The following SLIT3 variants were observed in gnomAD, a reference collection of about 807,000 sequenced individuals.
SLIT3 encodes the protein slit homolog 3 protein.
Under a neutral mutation model 184.0 loss-of-function variants are expected in SLIT3, and 68 were observed. The observed-to-expected ratio is 0.37, with a 90% CI of 0.30 to 0.45. The LOEUF (loss-of-function observed/expected upper bound fraction) is 0.45, where lower values mean the gene tolerates loss of function less well. Among genes scored for constraint, SLIT3 ranks in the 20% least tolerant of loss-of-function variants. SLIT3 has a pLI of 1.00. For synonymous variants in SLIT3, 831 were observed against 828.6 expected, an observed-to-expected ratio of 1.00 and a Z score of -0.05; for missense variants, 1,707 against 2,026.0, an observed-to-expected ratio of 0.84 and a Z score of 3.02.
At position 169,117,287 on chromosome 5, in the gene SLIT3, C is replaced by G. The variant is rs1210900800; in HGVS notation, c.413+76192G>C. On this transcript the variant is annotated intron_variant, in intron 4 of 35. Transcript: ENST00000519560. ...TCTATAAAAAGCACGGCTCCATGCCCGGATTGAGGAGCTGGAAGAGCCAAA... is the reference window on the plus strand; with the variant it reads ...TCTATAAAAAGCACGGCTCCATGCCGGGATTGAGGAGCTGGAAGAGCCAAA... Among the ~76,000 whole-genome samples the G allele has an allele frequency of 2.0e-5, 3 of 152,262 alleles. No individual in the cohort carries two copies. In the South Asian group the frequency reaches 6.2e-4, roughly 32 times the overall value.
chr5:168,930,597 T>C (rs1199758406), intron 4 of SLIT3, among the ~76,000 whole-genome samples: 3 of 152,156 alleles, frequency 2.0e-5, no homozygotes, highest in African/African-American at 7.2e-5. Context: ...GGGCTGAGTT[T>C]AGTGTCTGGC....
chr5:168,825,118 G>A (rs1287381587), intron 6 of SLIT3, among the ~76,000 whole-genome samples: 2 of 152,168 alleles, frequency 1.3e-5, no homozygotes, highest in African/African-American at 2.4e-5. Flanking sequence ...CTACCTCACA[G>A]GCTGGTAAAA....
rs553927912 is a variant in SLIT3 at position 169,183,926 on chromosome 5, T to TA, written c.413+9552dup. On this transcript the variant is annotated intron_variant, in intron 4 of 35. Coordinates refer to ENST00000519560, the MANE Select transcript of SLIT3 (RefSeq NM_003062.4). ...TCACAGCTTGGTTTTCTTTCCTTCT[T>TA]AAAAAAAATTTAAAAACAATTTCCA... is the stretch of plus-strand genomic sequence containing the variant. Among the ~76,000 whole-genome samples, 19 of 152,202 alleles carry TA rather than the reference T, an allele frequency of 1.2e-4. No individual in the cohort carries two copies. The South Asian group carries it at 3.7e-3, about 30-fold the overall frequency.
At chr5:169,170,120 T>C (rs1006395297) in intron 4 of SLIT3, among the ~76,000 whole-genome samples, 10 of 152,158 alleles carry the variant, frequency 6.6e-5, no homozygotes, top group African/African-American at 1.7e-4. Flanking sequence ...AGGTAACAAA[T>C]GTGCTATGAA....
intron 7 of SLIT3, among the ~76,000 whole-genome samples, chr5:168,819,970 T>G (rs1377758546): frequency 6.6e-6 from 1 of 152,178 alleles, no homozygotes; most frequent in Non-Finnish European, 1.5e-5. Context: ...CTCCACTCCC[T>G]CTTCTTGGAA....
chr5:169,257,050 A>G (rs1765983316), intron 1 of SLIT3, among the ~76,000 whole-genome samples: 1 of 152,036 alleles, frequency 6.6e-6, no homozygotes, highest in Admixed American at 6.5e-5. Context: ...GTCTGCCACA[A>G]TGCTCTATGA....
At chr5:168,834,149 C>T (rs1364939018) in intron 6 of SLIT3, among the ~76,000 whole-genome samples, 1 of 152,118 alleles carries the variant, frequency 6.6e-6, no homozygotes, top group African/African-American at 2.4e-5. Context: ...GGGCTTGGTT[C>T]CCTAACCGGC....
chr5:168,911,025 C>T lies in SLIT3; in HGVS notation c.414-27689G>A, dbSNP rs572621769. On this transcript the variant is annotated intron_variant, in intron 4 of 35. Coordinates refer to ENST00000519560, the MANE Select transcript of SLIT3 (RefSeq NM_003062.4). ...GCAGCCCGCTGTTCTGTACCAGGTA[C>T]GAAACCAAAAGCAGAAAAGCTACGT... 4.6e-5 allele frequency among the ~76,000 whole-genome samples: 7 copies of T among 152,124 alleles called. No homozygotes were observed. In the South Asian group the frequency reaches 8.3e-4, roughly 18 times the overall value.
chr5:169,071,367 C>A (rs1407862360), intron 4 of SLIT3, among the ~76,000 whole-genome samples: 1 of 145,656 alleles, frequency 6.9e-6, no homozygotes, highest in Non-Finnish European at 1.5e-5. Flanking sequence ...AACTATATTT[C>A]TCTAAGAAGT....
At chr5:168,794,985 T>G (rs1756516017) in intron 10 of SLIT3, among the ~76,000 whole-genome samples, 1 of 152,204 alleles carries the variant, frequency 6.6e-6, no homozygotes, top group African/African-American at 2.4e-5. Context: ...TTTTCTGCGT[T>G]CTCCCACTCG....
chr5:168,891,975 A>T (rs547323399), intron 4 of SLIT3, among the ~76,000 whole-genome samples: 1 of 152,306 alleles, frequency 6.6e-6, no homozygotes, highest in South Asian at 2.1e-4. Context: ...AGCCAATTGG[A>T]TGCTTCACCC....
chr5:169,230,693 A>T (rs1298616163), intron 3 of SLIT3, among the ~76,000 whole-genome samples: 6 of 152,226 alleles, frequency 3.9e-5, no homozygotes, highest in African/African-American at 9.6e-5. Context: ...GAAATTGGAT[A>T]ATGCAATATC....
intron 4 of SLIT3, among the ~76,000 whole-genome samples, chr5:168,915,601 A>C (rs1217081724): frequency 6.6e-6 from 1 of 152,168 alleles, no homozygotes; most frequent in African/African-American, 2.4e-5. Context: ...CCAAAATATA[A>C]TTTCAACATA....
rs898008888 is a variant in SLIT3 at position 168,819,951 on chromosome 5, G to A, written c.630-2488C>T. Among the ~76,000 whole-genome samples, 13 of 152,282 alleles carry A rather than the reference G, an allele frequency of 8.5e-5. No homozygotes were observed. In the South Asian group the frequency reaches 2.5e-3, roughly 29 times the overall value. ...GCCCAGGGCAGTGGAGTCCAGGGTG[G>A]TGAACAGACTCCACTCCCTCTTCTT... On this transcript the variant is annotated intron_variant, in intron 7 of 35. Transcript: ENST00000519560.
At chr5:168,724,601 G>C (rs1420440698) in intron 20 of SLIT3, 117 bp from the exon 21 acceptor site, 1 of 570,474 alleles carries the variant, frequency 1.8e-6, no homozygotes, top group Non-Finnish European at 3.1e-6. Flanking sequence ...TACTCTTAGA[G>C]CCTCCCTCCC....
intron 1 of SLIT3, among the ~76,000 whole-genome samples, chr5:169,266,747 C>A (rs545380255): frequency 1.3e-5 from 2 of 152,170 alleles, no homozygotes; most frequent in African/African-American, 4.8e-5. Flanking sequence ...CCTAGCAATA[C>A]GGCATAGTAG....
intron 4 of SLIT3, among the ~76,000 whole-genome samples, chr5:169,058,612 T>C (rs889098768): frequency 6.6e-6 from 1 of 152,234 alleles, no homozygotes; most frequent in Non-Finnish European, 1.5e-5. Flanking sequence ...TGAGATCATG[T>C]CACAGTGTCA....
intron 4 of SLIT3, among the ~76,000 whole-genome samples, chr5:169,113,395 C>T (rs1409128448): frequency 6.6e-6 from 1 of 152,134 alleles, no homozygotes; most frequent in Non-Finnish European, 1.5e-5. Context: ...TGCCTGTGTC[C>T]GAATTCTTCC....
intron 1 of SLIT3, among the ~76,000 whole-genome samples, chr5:169,253,513 T>A (rs1206589975): frequency 6.6e-6 from 1 of 152,138 alleles, no homozygotes; most frequent in Non-Finnish European, 1.5e-5. Context: ...TACTGAGTGA[T>A]CTAATGGCAG....
Sources: gnomAD v4.1 joint callset for allele counts (sites outside exome capture counted in the v4.1 genomes callset) on GRCh38, gnomAD v4.1.1 for gene constraint, MANE v1.5 for transcripts, NCBI Gene and HGNC (gene_info 2026-07-23, HGNC 2026-07-21) for gene names.